The following KCNT2 variants were observed in gnomAD, a reference collection of about 807,000 sequenced individuals.
KCNT2 encodes the protein potassium channel subfamily T member 2.
A neutral mutation model predicts 153.8 loss-of-function variants in KCNT2; 67 were observed. That is an observed-to-expected ratio of 0.44 (90% confidence interval 0.36 to 0.53). The LOEUF (loss-of-function observed/expected upper bound fraction) is 0.53, where lower values mean the gene tolerates loss of function less well. KCNT2 is among the 20% of genes least tolerant of loss of function. The pLI, the probability that KCNT2 is intolerant of heterozygous loss-of-function variation, is 0.00. For synonymous variants in KCNT2, 500 were observed against 458.8 expected, an observed-to-expected ratio of 1.09 and a Z score of -1.15; for missense variants, 975 against 1,354.8, an observed-to-expected ratio of 0.72 and a Z score of 4.40.
chr1:196,387,746 C>A (rs968673477), intron 13 of KCNT2, among the ~76,000 whole-genome samples: 1 of 151,710 alleles, frequency 6.6e-6, no homozygotes, highest in Admixed American at 6.6e-5. Context: ...ATTCTTCTAC[C>A]TATTTTTATT....
intron 22 of KCNT2, among the ~76,000 whole-genome samples, 180 bp downstream of exon 22, chr1:196,305,054 G>T (rs771152515): frequency 6.6e-6 from 1 of 151,916 alleles, no homozygotes; most frequent in African/African-American, 2.4e-5. Context: ...GATATAAATC[G>T]TTCAAATCTG....
intron 8 of KCNT2, among the ~76,000 whole-genome samples, chr1:196,446,673 G>A (rs1438900220): frequency 6.6e-6 from 1 of 151,534 alleles, no homozygotes; most frequent in Non-Finnish European, 1.5e-5. Context: ...TAGGAAGAGA[G>A]CCAGTTACCT....
intron 5 of KCNT2, 127 bp downstream of exon 5, chr1:196,479,052 G>A (rs781700987): frequency 3.1e-5 from 20 of 639,348 alleles, no homozygotes; most frequent in Middle Eastern, 2.5e-4. Flanking sequence ...CTACTGGAGC[G>A]GCTCAAAACA....
chr1:196,333,707 GA>G, intron 17 of KCNT2, 139 bp downstream of exon 17: 1 of 613,976 alleles, frequency 1.6e-6, no homozygotes, highest in Non-Finnish European at 2.9e-6. Flanking sequence ...CGTTTTGGTA[GA>G]AGTATATAGG....
chr1:196,240,650 A>G (rs947596443), intron 26 of KCNT2, among the ~76,000 whole-genome samples: 1 of 152,008 alleles, frequency 6.6e-6, no homozygotes, highest in African/African-American at 2.4e-5. Flanking sequence ...TGCAGAAAGT[A>G]GGCACCAGGG....
At chr1:196,478,595 C>G (rs1360857091) in intron 5 of KCNT2, among the ~76,000 whole-genome samples, 1 of 152,046 alleles carries the variant, frequency 6.6e-6, no homozygotes, top group Non-Finnish European at 1.5e-5. Context: ...GATATGAGCT[C>G]TCTCTATAAA....
At chr1:196,252,994 T>C (rs895010359) in intron 26 of KCNT2, among the ~76,000 whole-genome samples, 2 of 151,246 alleles carry the variant, frequency 1.3e-5, no homozygotes, top group Non-Finnish European at 3.0e-5. Context: ...AGCAGTTTTG[T>C]ATATTGTTTC....
rs1340320776 is a variant in KCNT2 at position 196,338,491 on chromosome 1, GA to G, written c.1783+1849del. 3.9e-5 allele frequency among the ~76,000 whole-genome samples: 6 copies of G among 152,026 alleles called. No individual in the cohort carries two copies. In the South Asian group the frequency reaches 6.2e-4, roughly 16 times the overall value. On this transcript the variant is annotated intron_variant, in intron 16 of 27. Transcript: ENST00000294725. Reference sequence around the variant, plus strand: ...AATTATATAAACTGAACAATCCTAAGAAACTGGAACATTCCTAAGAAAACTA... The same window carrying G: ...AATTATATAAACTGAACAATCCTAAGAACTGGAACATTCCTAAGAAAACTA...
At chr1:196,368,361 C>CA (rs1171765530) in intron 14 of KCNT2, among the ~76,000 whole-genome samples, 2 of 152,040 alleles carry the variant, frequency 1.3e-5, no homozygotes, top group African/African-American at 2.4e-5. Flanking sequence ...TAAAAGCAAA[C>CA]AAAAATAGAT....
Position 196,423,122 on chromosome 1 carries a change from A to G in KCNT2, c.1122-9T>C. 2 of 1,571,842 alleles carry G rather than the reference A, an allele frequency of 1.3e-6. No homozygotes were observed. The highest frequency in any genetic ancestry group is 1.7e-6 in the Non-Finnish European group (2 of 1,150,972). ...CCTCAGCGTCATCCATCCTAAATAC[A>G]GATGGAAAAACAAAATAATCACACA... On this transcript the variant is annotated splice_polypyrimidine_tract_variant and intron_variant, in intron 11 of 27. Transcript: ENST00000294725.
intron 8 of KCNT2, among the ~76,000 whole-genome samples, chr1:196,455,276 T>C (rs1676563009): frequency 6.6e-6 from 1 of 152,054 alleles, no homozygotes; most frequent in African/African-American, 2.4e-5. Context: ...ATGTAACATA[T>C]TCACAAGTTA....
chr1:196,277,309 C>G (rs969675723), intron 25 of KCNT2, among the ~76,000 whole-genome samples: 21 of 152,112 alleles, frequency 1.4e-4, no homozygotes, highest in African/African-American at 4.3e-4. Context: ...TCATGGTGAT[C>G]TGGCTGGATT....
intron 20 of KCNT2, among the ~76,000 whole-genome samples, chr1:196,319,039 T>G (rs973669908): frequency 6.6e-6 from 1 of 151,782 alleles, no homozygotes; most frequent in African/African-American, 2.4e-5. Flanking sequence ...TTATAAACTC[T>G]GACATGTGAC....
chr1:196,469,824 G>A (rs1417823663), intron 5 of KCNT2, among the ~76,000 whole-genome samples: 1 of 152,152 alleles, frequency 6.6e-6, no homozygotes, highest in Non-Finnish European at 1.5e-5. Flanking sequence ...TGACGATAAT[G>A]AGCACAGACT....
rs1334410788 is a variant in KCNT2 at position 196,502,277 on chromosome 1, C to A, written c.96-9936G>T. Reference sequence around the variant, plus strand: ...CTTCTTTTTGCCATCTAAGTCTTTTCATAATTACTCAAGCCTAACATACTC... The same window carrying A: ...CTTCTTTTTGCCATCTAAGTCTTTTAATAATTACTCAAGCCTAACATACTC... On this transcript the variant is annotated intron_variant, in intron 1 of 27. Coordinates refer to ENST00000294725, the MANE Select transcript of KCNT2 (RefSeq NM_198503.5). Among the ~76,000 whole-genome samples the A allele has an allele frequency of 2.0e-5, 3 of 152,134 alleles. No individual in the cohort carries two copies. In the East Asian group the frequency reaches 5.8e-4, roughly 29 times the overall value.
chr1:196,568,771 A>C (rs1246888435), intron 1 of KCNT2, among the ~76,000 whole-genome samples: 1 of 69,766 alleles, frequency 1.4e-5, no homozygotes, highest in African/African-American at 5.1e-5. Flanking sequence ...GGTTTATGTT[A>C]ATAATGAGCT....
At chr1:196,280,774 T>C (rs1659017720) in intron 25 of KCNT2, 86 bp downstream of exon 25, 1 of 1,275,966 alleles carries the variant, frequency 7.8e-7, no homozygotes, top group Non-Finnish European at 1.1e-6. Context: ...TTCTCTTGCA[T>C]TTTTTATAAA....
chr1:196,578,479 C>G (rs973153384), intron 1 of KCNT2, among the ~76,000 whole-genome samples: 2 of 152,148 alleles, frequency 1.3e-5, no homozygotes, highest in African/African-American at 4.8e-5. Context: ...CCTCACAGAG[C>G]ACTGGAGGAT....
At chr1:196,574,738 T>C (rs867255830) in intron 1 of KCNT2, among the ~76,000 whole-genome samples, 1 of 152,054 alleles carries the variant, frequency 6.6e-6, no homozygotes, top group African/African-American at 2.4e-5. Context: ...GGAGCTATTA[T>C]AGATAAATTA....
Sources: allele counts gnomAD v4.1 joint callset (sites outside exome capture counted in the v4.1 genomes callset), GRCh38; gene constraint gnomAD v4.1.1; transcripts MANE v1.5; gene names NCBI Gene and HGNC (gene_info 2026-07-23, HGNC 2026-07-21).